COL16A1: variants seen among roughly 807,000 people sequenced by gnomAD.
The protein encoded by COL16A1 is collagen alpha-1(XVI) chain.
In COL16A1, 189 loss-of-function variants were observed where a neutral mutation model predicts 266.3. The observed-to-expected ratio is 0.71, with a 90% CI of 0.63 to 0.80. The LOEUF (loss-of-function observed/expected upper bound fraction) is 0.80, where lower values mean the gene tolerates loss of function less well. Ranked by LOEUF, COL16A1 falls within the 30% of genes least tolerant of loss-of-function variation. COL16A1 has a pLI of 0.00. For missense variants in COL16A1, 1,928 were observed against 2,122.4 expected (o/e 0.91, Z 1.80); for synonymous variants, 740 against 782.3 (o/e 0.95, Z 0.90).
At chr1:31,689,983 C>A in intron 22 of COL16A1, 132 bp from the exon 23 acceptor site, 1 of 728,988 alleles carries the variant, frequency 1.4e-6, no homozygotes, top group Non-Finnish European at 2.3e-6. Context: ...AAGTGGACAG[C>A]AGGAATGCCG....
intron 44 of COL16A1, among the ~76,000 whole-genome samples, chr1:31,673,672 T>C (rs1421411722): frequency 1.3e-5 from 2 of 152,236 alleles, no homozygotes; most frequent in Non-Finnish European, 2.9e-5. Context: ...CAGGGAATCT[T>C]ATAAGCATTG....
chr1:31,686,315 G>A (rs1481634798), intron 26 of COL16A1, 36 bp from the exon 27 acceptor site: 4 of 1,614,146 alleles, frequency 2.5e-6, no homozygotes, highest in East Asian at 2.2e-5. Context: ...TTAAAGAGGG[G>A]ATGGAGTCTG....
chr1:31,679,036 T>C (rs576385376), intron 42 of COL16A1, among the ~76,000 whole-genome samples: 1 of 152,358 alleles, frequency 6.6e-6, no homozygotes, highest in Non-Finnish European at 1.5e-5. Flanking sequence ...CTTTTAAGTT[T>C]TGATTCAAAC....
Position 31,688,717 on chromosome 1 carries a change from G to T in COL16A1, c.1767+144C>A. 1 of 1,070,832 alleles carries T rather than the reference G, an allele frequency of 9.3e-7. No individual in the cohort carries two copies. The allele number at this position is 1,070,832 out of a possible 1,614,324, so 66.3% of individuals were successfully genotyped here. On this transcript the variant is annotated intron_variant, in intron 25 of 70. Coordinates refer to ENST00000373672, the MANE Select transcript of COL16A1 (RefSeq NM_001856.4). This position sits in a 1 kb window ranked among gnomAD's most constrained non-coding sequence, Gnocchi z 4.9. ...GGGGCAGCACAGGGACGGAGGGAGGGACCAGGAGACAGGCCTGGGACACCT... is the reference window on the plus strand; with the variant it reads ...GGGGCAGCACAGGGACGGAGGGAGGTACCAGGAGACAGGCCTGGGACACCT...
At chr1:31,684,040 G>A (rs776592959) in intron 32 of COL16A1, 37 bp from the exon 33 acceptor site, 3 of 1,614,078 alleles carry the variant, frequency 1.9e-6, no homozygotes, top group South Asian at 2.2e-5. Context: ...GTCCCCACAG[G>A]AGAAAGGGGG....
chr1:31,694,084 G>A, intron 12 of COL16A1, 60 bp downstream of exon 12: 2 of 1,515,644 alleles, frequency 1.3e-6, no homozygotes, highest in Non-Finnish European at 1.8e-6. Flanking sequence ...GTCACATGCT[G>A]TGGGAATGGC....
chr1:31,686,755 C>A (rs1422256262), intron 26 of COL16A1, among the ~76,000 whole-genome samples: 1 of 152,164 alleles, frequency 6.6e-6, no homozygotes, highest in African/African-American at 2.4e-5. Flanking sequence ...GAGGTGTTAA[C>A]CCTGATTATT....
Position 31,696,935 on chromosome 1 carries a change from C to T in COL16A1, c.864+28G>A, listed in dbSNP as rs768455320. Reference sequence around the variant, plus strand: ...GGTATCTCACTTGTGCCTGCCTGTGCTGGCATCCACCTGTCCTGCCCACCC... The same window carrying T: ...GGTATCTCACTTGTGCCTGCCTGTGTTGGCATCCACCTGTCCTGCCCACCC... On this transcript the variant is annotated intron_variant, in intron 8 of 70. Coordinates refer to ENST00000373672, the MANE Select transcript of COL16A1 (RefSeq NM_001856.4). The T allele has an allele frequency of 5.6e-6, 9 of 1,612,676 alleles. No homozygotes were observed. The South Asian group carries it at 8.8e-5, about 16-fold the overall frequency.
chr1:31,694,305 G>T, intron 11 of COL16A1, 135 bp from the exon 12 acceptor site: 1 of 614,266 alleles, frequency 1.6e-6, no homozygotes, highest in Non-Finnish European at 2.7e-6. Flanking sequence ...CCCCTGCTCT[G>T]CTTCCCAGGC....
intron 2 of COL16A1, chr1:31,701,293 C>T (rs1267937876): frequency 1.0e-5 from 10 of 984,810 alleles, no homozygotes; most frequent in Non-Finnish European, 1.2e-5. Context: ...CCATCCCCCC[C>T]AGGGGACCCA....
chr1:31,653,770 C>G, intron 69 of COL16A1, 94 bp from the exon 70 acceptor site: 4 of 1,570,984 alleles, frequency 2.5e-6, no homozygotes, highest in Non-Finnish European at 3.5e-6. Flanking sequence ...CACACACACA[C>G]ACACATACAT....
intron 29 of COL16A1, 54 bp from the exon 30 acceptor site, chr1:31,684,910 G>T (rs1207374539): frequency 1.2e-6 from 2 of 1,610,856 alleles, no homozygotes; most frequent in African/African-American, 1.3e-5. Flanking sequence ...ACCCCAAAGT[G>T]CCCGGCACCA....
chr1:31,702,152 A>C lies in COL16A1; in HGVS notation c.42T>G (p.Leu14=), dbSNP rs779591483. 6 of 1,614,154 alleles carry C rather than the reference A, an allele frequency of 3.7e-6. No individual in the cohort carries two copies. The highest frequency in any genetic ancestry group is 3.4e-6 in the Non-Finnish European group (4 of 1,180,008). Residue 14 remains leucine, a synonymous_variant, in exon 2 of 71, where the codon CTT becomes CTG. Transcript: ENST00000373672. ...SWAPGLWLLG[L]WATFGHGANT... ...TTGCCCCATGGCCGAAGGTAGCCCA[A>C]AGACCGAGCAGCCACAGGCCAGGAG...
chr1:31,656,775 CATT>C lies in COL16A1; in HGVS notation c.4056+255_4056+257del. Reference sequence around the variant, plus strand: ...ATGTTTGTTTGGAATTTATTATTATCATTATTATTGTTGTTGTTGTTGTTTCTT... The same window carrying C: ...ATGTTTGTTTGGAATTTATTATTATCATTATTGTTGTTGTTGTTGTTTCTT... On this transcript the variant is annotated intron_variant, in intron 65 of 70. Coordinates refer to ENST00000373672, the MANE Select transcript of COL16A1 (RefSeq NM_001856.4). This position sits in a 1 kb window ranked among gnomAD's most constrained non-coding sequence, Gnocchi z 4.2. The C allele has an allele frequency of 3.6e-6, 2 of 552,496 alleles. No homozygotes were observed. Among genetic ancestry groups the C allele is most frequent in the South Asian group, 2.7e-5 (1 of 37,524 alleles). The allele number at this position is 552,496 out of a possible 1,614,324, so 34.2% of individuals were successfully genotyped here.
chr1:31,658,534 G>T lies in COL16A1; in HGVS notation c.3974C>A (p.Ala1325Glu). Residue 1325 changes from alanine (A) to glutamate (E), a missense_variant, in exon 64 of 71, where the codon GCA (alanine) becomes GAA (glutamate). This residue lies in a region of COL16A1 where 376 missense variants were observed against 485.2 expected (regional missense o/e 0.77). Coordinates refer to ENST00000373672, the MANE Select transcript of COL16A1 (RefSeq NM_001856.4). Reference protein sequence around the residue: ...DRGATGERGLAGLPGQPGPPG... With the variant: ...DRGATGERGLEGLPGQPGPPG... The stretch of plus-strand genomic sequence containing the variant: ...GGGGCCGGGCTGGCCTGGGAGGCCT[G>T]CAAGGCCCCTTTCTCCGGTGGCTCC... 6.2e-7 allele frequency: 1 copy of T among 1,605,296 alleles called. No individual in the cohort carries two copies. Among genetic ancestry groups the T allele is most frequent in the Non-Finnish European group, 8.5e-7 (1 of 1,176,812 alleles).
rs1641308158 is a variant in COL16A1, at chr1:31,657,932, T to C, written c.4020+556A>G. Among the ~76,000 whole-genome samples the C allele has an allele frequency of 1.3e-5, 2 of 152,180 alleles. No homozygotes were observed. The highest frequency in any genetic ancestry group is 2.9e-5 in the Non-Finnish European group (2 of 68,018). On this transcript the variant is annotated intron_variant, in intron 64 of 70. Coordinates refer to ENST00000373672, the MANE Select transcript of COL16A1 (RefSeq NM_001856.4). This position sits in a 1 kb window ranked among gnomAD's most constrained non-coding sequence, Gnocchi z 6.4. ...GTGACTCCGAGCAACCTGCCTAACC[T>C]TGCGGAGCCCCCGTTTCCTCATCTG...
chr1:31,691,230 AG>A lies in COL16A1; in HGVS notation c.1399-5del. 1 of 1,613,928 alleles carries A rather than the reference AG, an allele frequency of 6.2e-7. No individual in the cohort carries two copies. Among genetic ancestry groups the A allele is most frequent in the East Asian group, 2.2e-5 (1 of 44,870 alleles). ...CTGGTGGGCCACCTGGATCCCCCTGAGGGCAGAAACAGAGTCACGTGGAAGT... is the reference window on the plus strand; with the variant it reads ...CTGGTGGGCCACCTGGATCCCCCTGAGGCAGAAACAGAGTCACGTGGAAGT... On this transcript the variant is annotated splice_region_variant and splice_polypyrimidine_tract_variant and intron_variant, in intron 19 of 70. Coordinates refer to ENST00000373672, the MANE Select transcript of COL16A1 (RefSeq NM_001856.4).
At chr1:31,680,011 G>C in intron 40 of COL16A1, 31 bp downstream of exon 40, 1 of 1,612,646 alleles carries the variant, frequency 6.2e-7, no homozygotes, top group South Asian at 1.1e-5. Context: ...CTCTCCCCCA[G>C]TTGGGGGAAG....
Position 31,691,428 on chromosome 1 carries a change from G to A in COL16A1, c.1387C>T (p.Pro463Ser). The change falls in exon 19 of 71, where the codon CCT (proline) becomes TCT (serine). Residue 463 changes from proline to serine, a missense_variant. Physicochemically the swap from Pro to Ser is moderately conservative, Grantham distance 74. Around this residue, in one of 2 missense-constraint regions of COL16A1, gnomAD observed 1,552 missense variants for 1,637.2 expected, o/e 0.95. Coordinates refer to ENST00000373672, the MANE Select transcript of COL16A1 (RefSeq NM_001856.4). ...AAGGGGGTACTCACCGGGGTCCCAG[G>A]CAGTCCTATCCCAGGGGGTCCAGGG... is the stretch of plus-strand genomic sequence containing the variant. ...GLPGPPGIGL[P>S]GTPGDPGGPP... is the part of the protein sequence containing the mutation. 6.2e-7 allele frequency: 1 copy of A among 1,611,676 alleles called. No homozygotes were observed. Among genetic ancestry groups the A allele is most frequent in the South Asian group, 1.1e-5 (1 of 90,880 alleles).
Sources: gnomAD v4.1 joint callset for allele counts (sites outside exome capture counted in the v4.1 genomes callset) on GRCh38, gnomAD v4.1.1 for gene constraint, gnomAD v4.1.1 regional missense constraint, Gnocchi (gnomAD v3.1) non-coding constraint, MANE v1.5 for transcripts, NCBI Gene and HGNC (gene_info 2026-07-23, HGNC 2026-07-21) for gene names.